The following SETBP1 variants were observed in gnomAD, a reference collection of about 807,000 sequenced individuals.
SETBP1 encodes the protein SET binding protein 1, also known as SET-binding protein.
Under a neutral mutation model 101.0 loss-of-function variants are expected in SETBP1, and 9 were observed. The observed-to-expected ratio is 0.09, with a 90% CI of 0.05 to 0.16. The LOEUF (loss-of-function observed/expected upper bound fraction) is 0.16. Ranked by LOEUF, SETBP1 falls within the 10% of genes least tolerant of loss-of-function variation. The pLI, the probability that SETBP1 is intolerant of heterozygous loss-of-function variation, is 1.00. For synonymous variants in SETBP1, 818 were observed against 788.5 expected, an observed-to-expected ratio of 1.04 and a Z score of -0.63; for missense variants, 1,858 against 2,033.8, an observed-to-expected ratio of 0.91 and a Z score of 1.66.
At chr18:44,709,526 C>T (rs181970614) in intron 2 of SETBP1, among the ~76,000 whole-genome samples, 71 of 152,294 alleles carry the variant, frequency 4.7e-4, no homozygotes, top group African/African-American at 1.7e-3. Context: ...TAACAGCAGC[C>T]CCTCCTTGTT....
chr18:44,730,773 T>A (rs2069822512), intron 2 of SETBP1, among the ~76,000 whole-genome samples: 2 of 152,146 alleles, frequency 1.3e-5, no homozygotes. Context: ...TATCAGGGTT[T>A]CTAGATGATA....
chr18:44,843,394 C>T (rs990972471), intron 2 of SETBP1, among the ~76,000 whole-genome samples: 4 of 152,238 alleles, frequency 2.6e-5, no homozygotes, highest in Non-Finnish European at 5.9e-5. Flanking sequence ...TGTCAACCAT[C>T]AGCTGGAGAG....
chr18:44,835,531 T>C (rs2072477685), intron 2 of SETBP1, among the ~76,000 whole-genome samples: 1 of 152,210 alleles, frequency 6.6e-6, no homozygotes. Context: ...CCATGAATAG[T>C]TCTAAAAAAG....
Position 44,866,222 on chromosome 18 carries a change from C to T in SETBP1, c.487-3008C>T, listed in dbSNP as rs182037313. Among the ~76,000 whole-genome samples, 747 of 152,280 alleles carry T rather than the reference C, an allele frequency of 4.9e-3. 7 individuals carry two copies. The highest frequency in any genetic ancestry group is 0.017 in the African/African-American group (717 of 41,558). On this transcript the variant is annotated intron_variant, in intron 2 of 5. Transcript: ENST00000649279. ...TGTAGTGGCTGGAGAAGAGCTTGTC[C>T]CCAGTGCCTGAGTTGATTAATTCAT... is the stretch of plus-strand genomic sequence containing the variant.
At chr18:44,876,607 G>T in intron 3 of SETBP1, 1 of 1,551,394 alleles carries the variant, frequency 6.4e-7, no homozygotes, top group South Asian at 1.2e-5. Flanking sequence ...GAGAAGAGGA[G>T]GCCAAGGCAT....
intron 2 of SETBP1, among the ~76,000 whole-genome samples, chr18:44,839,643 T>A (rs1033473481): frequency 6.6e-6 from 1 of 152,230 alleles, no homozygotes; most frequent in Non-Finnish European, 1.5e-5. Context: ...GTGTCCAGAC[T>A]ACTTAGGCTC....
At chr18:44,908,306 C>T (rs928385186) in intron 3 of SETBP1, among the ~76,000 whole-genome samples, 5 of 152,140 alleles carry the variant, frequency 3.3e-5, no homozygotes, top group African/African-American at 1.2e-4. Flanking sequence ...CCACCTCGGC[C>T]TCCCAAAGTG....
At chr18:44,681,504 C>T (rs2068759114) in intron 1 of SETBP1, among the ~76,000 whole-genome samples, 1 of 151,976 alleles carries the variant, frequency 6.6e-6, no homozygotes, top group South Asian at 2.1e-4. Context: ...AAGTTAACTG[C>T]CGAAATACTG....
chr18:44,930,127 TGA>T (rs2070795006), intron 3 of SETBP1, among the ~76,000 whole-genome samples: 1 of 152,252 alleles, frequency 6.6e-6, no homozygotes, highest in Admixed American at 6.5e-5. Flanking sequence ...CCTAGTTTAT[TGA>T]GAGTTTTTAG....
chr18:44,680,835 G>T (rs1024385184), upstream of SETBP1: 1 of 150,862 alleles, frequency 6.6e-6, no homozygotes, highest in East Asian at 2.0e-4. Context: ...GACTCGGGAG[G>T]GGGAGGGGGT....
intron 2 of SETBP1, among the ~76,000 whole-genome samples, chr18:44,747,756 A>T (rs1223099033): frequency 6.6e-6 from 1 of 152,272 alleles, no homozygotes; most frequent in Non-Finnish European, 1.5e-5. Context: ...AACTGGTTCA[A>T]CAAAGCTAAT....
Position 44,976,586 on chromosome 18 carries a change from G to A in SETBP1, c.4000+23246G>A, listed in dbSNP as rs76484811. ...GGTGACCCAGGTACATGTCCTCAGG[G>A]CAAAGATACTGCTCAGGGCAAGGAG... On this transcript the variant is annotated intron_variant, in intron 4 of 5. Coordinates refer to ENST00000649279, the MANE Select transcript of SETBP1 (RefSeq NM_015559.3). Among the ~76,000 whole-genome samples, 459 of 152,262 alleles carry A rather than the reference G, an allele frequency of 3.0e-3. 1 individual carries two copies. The highest frequency in any genetic ancestry group is 9.9e-3 in the African/African-American group (410 of 41,538).
chr18:44,933,836 G>C (rs1254793684), intron 3 of SETBP1, among the ~76,000 whole-genome samples: 2 of 152,140 alleles, frequency 1.3e-5, no homozygotes, highest in African/African-American at 4.8e-5. Flanking sequence ...CAATTTTCCA[G>C]GTACTGTCTG....
intron 2 of SETBP1, among the ~76,000 whole-genome samples, chr18:44,709,611 A>G (rs1250223026): frequency 2.0e-5 from 3 of 152,066 alleles, no homozygotes; most frequent in South Asian, 2.1e-4. Context: ...TCCTGCTCTC[A>G]TTGCTGTTTG....
At chr18:44,879,598 A>C (rs566903883) in intron 3 of SETBP1, among the ~76,000 whole-genome samples, 1 of 152,168 alleles carries the variant, frequency 6.6e-6, no homozygotes, top group South Asian at 2.1e-4. Context: ...CAACAGAAAA[A>C]ACAAACAAAC....
intron 4 of SETBP1, among the ~76,000 whole-genome samples, chr18:45,038,059 T>C (rs1313864056): frequency 2.0e-5 from 3 of 152,206 alleles, no homozygotes; most frequent in Non-Finnish European, 4.4e-5. Context: ...CAATTTTTCC[T>C]TCTCATTCAG....
chr18:44,894,055 A>G (rs1307678886), intron 3 of SETBP1, among the ~76,000 whole-genome samples: 1 of 152,132 alleles, frequency 6.6e-6, no homozygotes, highest in Non-Finnish European at 1.5e-5. Flanking sequence ...AGTTCAAGCA[A>G]AGAACCTTAG....
chr18:44,741,004 A>C (rs1014795729), intron 2 of SETBP1, among the ~76,000 whole-genome samples: 3 of 152,244 alleles, frequency 2.0e-5, no homozygotes, highest in African/African-American at 7.2e-5. Flanking sequence ...AAGATCATCA[A>C]ATATAGAAAC....
chr18:44,753,678 G>A (rs2070435069), intron 2 of SETBP1, among the ~76,000 whole-genome samples: 2 of 152,248 alleles, frequency 1.3e-5, no homozygotes, highest in South Asian at 2.1e-4. Flanking sequence ...TGAGTTTCAT[G>A]TTGGAGGTAC....
Sources: gnomAD v4.1 joint callset for allele counts (sites outside exome capture counted in the v4.1 genomes callset) on GRCh38, gnomAD v4.1.1 for gene constraint, MANE v1.5 for transcripts, NCBI Gene and HGNC (gene_info 2026-07-23, HGNC 2026-07-21) for gene names.